Variants in SKIC3 observed in about 807,000 individuals in gnomAD.
SKIC3 encodes the protein SKI3 subunit of superkiller complex.
the SKIC3 span, chr5:95,512,698 C>T: frequency 2.7e-6 from 4 of 1,501,546 alleles, no homozygotes; most frequent in African/African-American, 4.2e-5. Context: ...AAACAATGCA[C>T]TTCAATACAA....
At chr5:95,529,608 T>C in the SKIC3 span, among the ~76,000 whole-genome samples, 1 of 152,286 alleles carries the variant, frequency 6.6e-6, no homozygotes, top group African/African-American at 2.4e-5. Flanking sequence ...GATTCATCTC[T>C]GCCTAAAATG....
the SKIC3 span, among the ~76,000 whole-genome samples, chr5:95,481,320 T>C: frequency 2.6e-5 from 4 of 152,078 alleles, no homozygotes; most frequent in African/African-American, 9.7e-5. Flanking sequence ...CAAGATCTGA[T>C]AGTTTTAAAA....
the SKIC3 span, chr5:95,502,746 C>A: frequency 9.4e-7 from 1 of 1,063,090 alleles, no homozygotes; most frequent in Non-Finnish European, 1.4e-6. Flanking sequence ...ACTATCAATT[C>A]AGAACCAGGT....
chr5:95,541,418 T>A, the SKIC3 span: 1 of 1,586,286 alleles, frequency 6.3e-7, no homozygotes, highest in Non-Finnish European at 8.7e-7. Context: ...CAAAAGGATT[T>A]TGAATCTGAT....
the SKIC3 span, among the ~76,000 whole-genome samples, chr5:95,534,931 A>G: frequency 6.6e-6 from 1 of 152,098 alleles, no homozygotes; most frequent in African/African-American, 2.4e-5. Context: ...CCTCTCAATA[A>G]CCTACATTTC....
chr5:95,505,066 A>G, the SKIC3 span, among the ~76,000 whole-genome samples: 1 of 152,202 alleles, frequency 6.6e-6, no homozygotes, highest in Non-Finnish European at 1.5e-5. Context: ...ATACTTATTA[A>G]TAACAGAAAA....
chr5:95,542,159 C>G, the SKIC3 span, among the ~76,000 whole-genome samples: 1 of 151,948 alleles, frequency 6.6e-6, no homozygotes. Flanking sequence ...CCTTTTCTTT[C>G]GAAAATTCAT....
At chr5:95,531,778 T>C in the SKIC3 span, among the ~76,000 whole-genome samples, 1 of 152,184 alleles carries the variant, frequency 6.6e-6, no homozygotes, top group Non-Finnish European at 1.5e-5. Flanking sequence ...TAATACCATA[T>C]ATGACCTTTA....
chr5:95,530,583 G>A, the SKIC3 span, among the ~76,000 whole-genome samples: 8 of 152,210 alleles, frequency 5.3e-5, no homozygotes, highest in African/African-American at 1.9e-4. Context: ...TCTTCCTCAA[G>A]TTCTCTTCCT....
the SKIC3 span, chr5:95,482,568 G>A: frequency 6.2e-7 from 1 of 1,613,886 alleles, no homozygotes; most frequent in Admixed American, 1.7e-5. Flanking sequence ...TCCAGGAGTG[G>A]TTTACACTGA....
the SKIC3 span, chr5:95,528,836 C>A: frequency 1.1e-5 from 7 of 649,630 alleles, no homozygotes; most frequent in Non-Finnish European, 1.9e-5. Context: ...CACACTAGTA[C>A]ACATGCATGC....
chr5:95,537,973 A>G, the SKIC3 span, among the ~76,000 whole-genome samples: 7 of 152,346 alleles, frequency 4.6e-5, no homozygotes, highest in East Asian at 1.3e-3. Flanking sequence ...AAAACAGTCT[A>G]GCATAAAAGA....
At chr5:95,491,095 C>T in the SKIC3 span, 12 of 1,603,678 alleles carry the variant, frequency 7.5e-6, no homozygotes, top group African/African-American at 1.3e-5. Context: ...TGCTTAAAAA[C>T]TATCAAAAAT....
chr5:95,547,097 T>G, the SKIC3 span: 2 of 1,613,322 alleles, frequency 1.2e-6, no homozygotes, highest in South Asian at 2.2e-5. Flanking sequence ...ATTCTTTGTT[T>G]CTGATTGCAT....
At chr5:95,474,279 T>A in the SKIC3 span, among the ~76,000 whole-genome samples, 1 of 152,246 alleles carries the variant, frequency 6.6e-6, no homozygotes, top group African/African-American at 2.4e-5. Flanking sequence ...TGTCTGTTTT[T>A]GTAGTAGTAC....
the SKIC3 span, chr5:95,513,591 T>C: frequency 3.1e-6 from 5 of 1,613,772 alleles, no homozygotes; most frequent in African/African-American, 4.0e-5. Context: ...AGTTCTGTAG[T>C]GTGCCTGAAG....
chr5:95,547,925 A>G, the SKIC3 span, among the ~76,000 whole-genome samples: 7 of 152,108 alleles, frequency 4.6e-5, no homozygotes, highest in African/African-American at 1.7e-4. Flanking sequence ...TACTTTTTCT[A>G]AAGAAAAACA....
chr5:95,486,946 T>C, the SKIC3 span, among the ~76,000 whole-genome samples: 1 of 152,162 alleles, frequency 6.6e-6, no homozygotes, highest in Non-Finnish European at 1.5e-5. Context: ...GAGTGTCAAC[T>C]TGATTGGACT....
the SKIC3 span, among the ~76,000 whole-genome samples, chr5:95,472,837 T>C: frequency 1.3e-5 from 2 of 152,224 alleles, no homozygotes; most frequent in Non-Finnish European, 2.9e-5. Context: ...TAGCTCCCAC[T>C]TACAAGTGAG....
Sources: allele counts gnomAD v4.1 joint callset (sites outside exome capture counted in the v4.1 genomes callset), GRCh38; gene constraint gnomAD v4.1.1; transcripts MANE v1.5; gene names NCBI Gene and HGNC (gene_info 2026-07-23, HGNC 2026-07-21).